Variants in TTC28 observed in about 807,000 individuals in gnomAD.
TTC28 encodes tetratricopeptide repeat domain 28.
Under a neutral mutation model 198.0 loss-of-function variants are expected in TTC28, and 61 were observed. The ratio of observed to expected loss-of-function variants is 0.31; its 90% confidence interval spans 0.25 to 0.38. The LOEUF is 0.38. Ranked by LOEUF, TTC28 falls within the 10% of genes least tolerant of loss-of-function variation. The pLI is 1.00. For missense variants in TTC28, 2,678 were observed against 3,164.0 expected (o/e 0.85, Z 3.69); for synonymous variants, 1,171 against 1,297.8 (o/e 0.90, Z 2.10).
intron 13 of TTC28, among the ~76,000 whole-genome samples, chr22:28,016,725 C>T (rs1938393589): frequency 6.6e-6 from 1 of 152,246 alleles, no homozygotes. Context: ...AAGGCTCCTA[C>T]TAGAGAAAGA....
chr22:28,106,679 C>T (rs1942314884), intron 7 of TTC28, among the ~76,000 whole-genome samples: 3 of 152,116 alleles, frequency 2.0e-5, no homozygotes, highest in Admixed American at 2.0e-4. Flanking sequence ...TAAACACATT[C>T]ATATAATGTG....
chr22:28,567,399 A>G (rs1569029797), intron 2 of TTC28, among the ~76,000 whole-genome samples: 1 of 146,154 alleles, frequency 6.8e-6, no homozygotes, highest in Non-Finnish European at 1.5e-5. Flanking sequence ...AAAAAAAAAA[A>G]GAAAAAAATA....
chr22:28,265,242 C>A (rs1351938822), intron 5 of TTC28, among the ~76,000 whole-genome samples: 3 of 152,102 alleles, frequency 2.0e-5, no homozygotes, highest in African/African-American at 7.2e-5. Context: ...TAATTTCAAG[C>A]AATTGTCTTT....
At chr22:28,353,113 A>G (rs1271504416) in intron 2 of TTC28, among the ~76,000 whole-genome samples, 1 of 152,214 alleles carries the variant, frequency 6.6e-6, no homozygotes, top group Non-Finnish European at 1.5e-5. Context: ...ACAAAGAGGT[A>G]AACACAGAAA....
chr22:28,398,322 C>T (rs530460736), intron 2 of TTC28, among the ~76,000 whole-genome samples: 34 of 152,194 alleles, frequency 2.2e-4, no homozygotes, highest in African/African-American at 6.7e-4. Flanking sequence ...ATACAGTAGC[C>T]GCATTTCTGT....
At chr22:28,638,391 G>C (rs758165312) in intron 1 of TTC28, among the ~76,000 whole-genome samples, 18 of 152,066 alleles carry the variant, frequency 1.2e-4, no homozygotes, top group Non-Finnish European at 2.2e-4. Context: ...CTTTTATTAT[G>C]TAGAACTGAG....
intron 2 of TTC28, among the ~76,000 whole-genome samples, chr22:28,579,579 GTGTA>G (rs920347012): frequency 6.9e-6 from 1 of 145,118 alleles, no homozygotes; most frequent in African/African-American, 2.6e-5. Flanking sequence ...ATGCATGTGT[GTGTA>G]TATATATATA....
intron 2 of TTC28, among the ~76,000 whole-genome samples, chr22:28,426,074 G>C (rs910663064): frequency 6.6e-6 from 1 of 151,984 alleles, no homozygotes; most frequent in Non-Finnish European, 1.5e-5. Context: ...AGTCAGGCTT[G>C]GTGGTGTGTG....
chr22:28,161,913 GGGAGGGAA>G lies in TTC28; in HGVS notation c.1441+1171_1441+1178del, dbSNP rs772629174. 2.7e-3 allele frequency among the ~76,000 whole-genome samples: 391 copies of G among 144,808 alleles called. 2 individuals are homozygous for G. Among genetic ancestry groups the G allele is most frequent in the Non-Finnish European group, 3.4e-3 (221 of 65,598 alleles). 95.0% of individuals were successfully genotyped at this position (144,808 alleles called of 152,430 possible). ...ATGAAGGGAAGGAAGGAGGGAGGGA[GGGAGGGAA>G]GGAGGGAGGGAAGGTGGCTAAGTTT... On this transcript the variant is annotated intron_variant, in intron 6 of 22. Coordinates refer to ENST00000397906, the MANE Select transcript of TTC28 (RefSeq NM_001145418.2).
intron 6 of TTC28, among the ~76,000 whole-genome samples, chr22:28,154,795 C>G (rs574522275): frequency 6.6e-6 from 1 of 152,212 alleles, no homozygotes; most frequent in East Asian, 1.9e-4. Flanking sequence ...TATTATAAAA[C>G]AAATAAAAGG....
intron 2 of TTC28, among the ~76,000 whole-genome samples, chr22:28,350,220 G>C (rs569536124): frequency 6.6e-6 from 1 of 152,182 alleles, no homozygotes; most frequent in Non-Finnish European, 1.5e-5. Context: ...TCCAGATAAA[G>C]TATATTTTTT....
At chr22:28,112,365 A>AAAGAAACTGC (rs898168826) in intron 6 of TTC28, among the ~76,000 whole-genome samples, 5 of 152,154 alleles carry the variant, frequency 3.3e-5, no homozygotes, top group African/African-American at 9.7e-5. Flanking sequence ...ATGATTTGTG[A>AAAGAAACTGC]AAGAAACTGC....
In TTC28 at chr22:28,128,484, G is replaced by A. The variant is rs531872790; in HGVS notation, c.1442-20081C>T. ...ATTAAATGAATAAGTAAAGCACACAGCCAATTCCTGTCAGCAAATTATGGA... is the reference window on the plus strand; with the variant it reads ...ATTAAATGAATAAGTAAAGCACACAACCAATTCCTGTCAGCAAATTATGGA... On this transcript the variant is annotated intron_variant, in intron 6 of 22. Coordinates refer to ENST00000397906, the MANE Select transcript of TTC28 (RefSeq NM_001145418.2). Among the ~76,000 whole-genome samples the A allele has an allele frequency of 6.6e-5, 10 of 152,290 alleles. No individual in the cohort carries two copies. The East Asian group carries it at 1.9e-3, about 29-fold the overall frequency.
chr22:28,068,587 A>G (rs544321050), intron 12 of TTC28, among the ~76,000 whole-genome samples: 2 of 152,122 alleles, frequency 1.3e-5, no homozygotes, highest in Non-Finnish European at 2.9e-5. Context: ...TTCTCTTTCA[A>G]ACGAAGTCAA....
intron 1 of TTC28, among the ~76,000 whole-genome samples, chr22:28,632,282 TTTGAG>T: frequency 1.4e-5 from 2 of 144,628 alleles, no homozygotes; most frequent in South Asian, 2.3e-4. Context: ...TTTTTTTTTT[TTTGAG>T]GAGAAGTTTC....
chr22:28,534,744 G>A (rs2049227309), intron 2 of TTC28, among the ~76,000 whole-genome samples: 1 of 152,166 alleles, frequency 6.6e-6, no homozygotes, highest in African/African-American at 2.4e-5. Flanking sequence ...TAAAAAAGAT[G>A]AGTTCATGTC....
chr22:28,302,380 C>A (rs2045044674), intron 3 of TTC28, among the ~76,000 whole-genome samples: 1 of 152,148 alleles, frequency 6.6e-6, no homozygotes, highest in South Asian at 2.1e-4. Flanking sequence ...CACCACTACG[C>A]CTGCCCTAAA....
intron 2 of TTC28, among the ~76,000 whole-genome samples, chr22:28,455,618 G>T (rs142268431): frequency 6.6e-6 from 1 of 151,904 alleles, no homozygotes; most frequent in Non-Finnish European, 1.5e-5. Context: ...GAAGGCTGAG[G>T]CAGGAGAATC....
chr22:28,561,581 T>C (rs1249829116), intron 2 of TTC28, among the ~76,000 whole-genome samples: 1 of 152,220 alleles, frequency 6.6e-6, no homozygotes, highest in African/African-American at 2.4e-5. Flanking sequence ...TATAATGTCA[T>C]TCCCCTGTGA....
Sources: allele counts gnomAD v4.1 joint callset (sites outside exome capture counted in the v4.1 genomes callset), GRCh38; gene constraint gnomAD v4.1.1; transcripts MANE v1.5; gene names NCBI Gene and HGNC (gene_info 2026-07-23, HGNC 2026-07-21).